SPOCK1: variants seen among roughly 807,000 people sequenced by gnomAD.
SPOCK1 encodes the protein SPARC (osteonectin), cwcv and kazal like domains proteoglycan 1.
In SPOCK1, 23 loss-of-function variants were observed where a neutral mutation model predicts 55.3. The observed-to-expected ratio is 0.42, with a 90% CI of 0.30 to 0.59. The LOEUF (loss-of-function observed/expected upper bound fraction) is 0.59, where lower values mean the gene tolerates loss of function less well. Among genes scored for constraint, SPOCK1 ranks in the 20% least tolerant of loss-of-function variants. SPOCK1 has a pLI of 0.22. For synonymous variants in SPOCK1, 226 were observed against 221.0 expected (o/e 1.02, Z -0.20); for missense variants, 499 against 552.5 (o/e 0.90, Z 0.97).
chr5:137,010,183 T>C (rs140086105), intron 6 of SPOCK1, among the ~76,000 whole-genome samples: 19 of 152,188 alleles, frequency 1.2e-4, no homozygotes, highest in African/African-American at 4.1e-4. Flanking sequence ...GTCACATCTA[T>C]ACTCGCCCGA....
At chr5:137,138,132 A>G (rs1754023668) in intron 4 of SPOCK1, among the ~76,000 whole-genome samples, 1 of 152,254 alleles carries the variant, frequency 6.6e-6, no homozygotes, top group East Asian at 1.9e-4. Flanking sequence ...AAATTCAGAA[A>G]GATAAAATAA....
At chr5:137,410,808 C>A (rs1235100356) in intron 2 of SPOCK1, among the ~76,000 whole-genome samples, 5 of 152,338 alleles carry the variant, frequency 3.3e-5, no homozygotes, top group East Asian at 3.9e-4. Context: ...AGGAGACCTG[C>A]TTTCCCTCCA....
At chr5:137,058,266 G>A (rs749868399) in intron 6 of SPOCK1, among the ~76,000 whole-genome samples, 1 of 152,206 alleles carries the variant, frequency 6.6e-6, no homozygotes, top group Non-Finnish European at 1.5e-5. Context: ...AAAGGTTTCA[G>A]ATCCCTGTTC....
chr5:137,184,705 C>T (rs192708179), intron 3 of SPOCK1, among the ~76,000 whole-genome samples: 382 of 152,256 alleles, frequency 2.5e-3, no homozygotes, highest in African/African-American at 8.8e-3. Flanking sequence ...CACAAGACAA[C>T]GGACTTCTTC....
At chr5:137,150,188 C>T (rs1754292735) in intron 3 of SPOCK1, among the ~76,000 whole-genome samples, 1 of 152,160 alleles carries the variant, frequency 6.6e-6, no homozygotes, top group Admixed American at 6.5e-5. Context: ...AACATTAAAG[C>T]TTTTCAACAT....
At chr5:137,280,478 A>C (rs1757149665) in intron 2 of SPOCK1, among the ~76,000 whole-genome samples, 1 of 152,252 alleles carries the variant, frequency 6.6e-6, no homozygotes, top group Admixed American at 6.5e-5. Context: ...CACTGAAAGA[A>C]TACAAGGCAG....
chr5:137,016,930 G>A (rs1385748271), intron 6 of SPOCK1, among the ~76,000 whole-genome samples: 1 of 152,252 alleles, frequency 6.6e-6, no homozygotes, highest in Non-Finnish European at 1.5e-5. Context: ...TTTGTTTTGG[G>A]TACAGGTGTT....
chr5:137,132,164 G>T (rs1753898364), intron 4 of SPOCK1, among the ~76,000 whole-genome samples: 1 of 106,458 alleles, frequency 9.4e-6, no homozygotes, highest in Non-Finnish European at 1.8e-5. Flanking sequence ...AACAGAACAA[G>T]ACTCTGTCTC....
intron 3 of SPOCK1, among the ~76,000 whole-genome samples, chr5:137,260,721 C>T (rs994096567): frequency 4.6e-5 from 7 of 152,182 alleles, no homozygotes; most frequent in African/African-American, 1.7e-4. Context: ...AAAGTAGGAG[C>T]ATACTAATAT....
At chr5:137,084,708 A>T (rs1341065341) in intron 5 of SPOCK1, among the ~76,000 whole-genome samples, 1 of 152,162 alleles carries the variant, frequency 6.6e-6, no homozygotes, top group Non-Finnish European at 1.5e-5. Flanking sequence ...CAAGCCTAAA[A>T]AAACCCAAAA....
chr5:137,295,278 C>G (rs7737043), intron 2 of SPOCK1, among the ~76,000 whole-genome samples: 57,815 of 152,142 alleles, frequency 0.38, 11,279 homozygotes, highest in East Asian at 0.45. Context: ...AATCGACATG[C>G]CTTTCACATA....
intron 6 of SPOCK1, among the ~76,000 whole-genome samples, chr5:137,025,263 T>C (rs1266885728): frequency 6.6e-6 from 1 of 152,126 alleles, no homozygotes; most frequent in African/African-American, 2.4e-5. Context: ...AGATCCCTTT[T>C]CCAGGCCTTA....
At chr5:137,439,120 C>A (rs1752930280) in intron 2 of SPOCK1, among the ~76,000 whole-genome samples, 1 of 152,120 alleles carries the variant, frequency 6.6e-6, no homozygotes, top group Non-Finnish European at 1.5e-5. Flanking sequence ...GTGTAGCAGT[C>A]ACACGAAACA....
intron 2 of SPOCK1, among the ~76,000 whole-genome samples, chr5:137,369,945 C>T (rs1358567342): frequency 6.6e-6 from 1 of 152,204 alleles, no homozygotes; most frequent in African/African-American, 2.4e-5. Flanking sequence ...AAAGGAACTT[C>T]GGAGGAACAC....
chr5:137,279,027 G>A (rs1456677702), intron 2 of SPOCK1, among the ~76,000 whole-genome samples: 1 of 152,068 alleles, frequency 6.6e-6, no homozygotes, highest in Non-Finnish European at 1.5e-5. Flanking sequence ...GACAGAGTGA[G>A]GCTAAGACTA....
At chr5:137,313,816 C>A (rs1302545608) in intron 2 of SPOCK1, among the ~76,000 whole-genome samples, 2 of 151,052 alleles carry the variant, frequency 1.3e-5, no homozygotes, top group African/African-American at 4.9e-5. Context: ...CTAGCTCTTT[C>A]TGATCATATA....
intron 2 of SPOCK1, among the ~76,000 whole-genome samples, chr5:137,467,822 C>G (rs1359632838): frequency 6.6e-6 from 1 of 152,178 alleles, no homozygotes; most frequent in Non-Finnish European, 1.5e-5. Flanking sequence ...AGGGTGGAGG[C>G]AGATATGTGC....
intron 4 of SPOCK1, among the ~76,000 whole-genome samples, chr5:137,124,696 C>G (rs1424597889): frequency 6.6e-6 from 1 of 152,178 alleles, no homozygotes; most frequent in Non-Finnish European, 1.5e-5. Context: ...CATTCTGCAG[C>G]ACTCTGAAGA....
intron 3 of SPOCK1, among the ~76,000 whole-genome samples, chr5:137,229,606 CGA>C (rs1472145430): frequency 6.6e-6 from 1 of 152,250 alleles, no homozygotes; most frequent in South Asian, 2.1e-4. Flanking sequence ...GGGGCTCAGA[CGA>C]GAGATGTATT....
Sources: gnomAD v4.1 joint callset for allele counts (sites outside exome capture counted in the v4.1 genomes callset) on GRCh38, gnomAD v4.1.1 for gene constraint, MANE v1.5 for transcripts, NCBI Gene and HGNC (gene_info 2026-07-23, HGNC 2026-07-21) for gene names.